The following TUG1 variants were observed in gnomAD, a reference collection of about 807,000 sequenced individuals.
TUG1 encodes the protein taurine upregulated gene 1.
At chr22:30,969,646 C>T (rs1471001890) in exon 1 of TUG1, 2 of 152,608 alleles carry the variant, frequency 1.3e-5, no homozygotes, top group African/African-American at 4.8e-5. Flanking sequence ...GCGGCGGCGG[C>T]AGCGGCCGCG....
At chr22:30,976,034 GT>G (rs1210051396) in exon 3 of TUG1, 1 of 141,600 alleles carries the variant, frequency 7.1e-6, no homozygotes, top group Non-Finnish European at 1.5e-5. Flanking sequence ...TTTAACTACT[GT>G]TTCCAAGATA....
chr22:30,969,904 C>T (rs1184396445), exon 1 of TUG1: 2 of 152,266 alleles, frequency 1.3e-5, no homozygotes, highest in East Asian at 3.8e-4. Context: ...CGGGCCTAGC[C>T]ACCAGTTGGC....
At chr22:30,975,890 A>G (rs1191407522) in exon 3 of TUG1, 3 of 152,088 alleles carry the variant, frequency 2.0e-5, no homozygotes, top group African/African-American at 4.8e-5. Flanking sequence ...AGAGATAACT[A>G]TGAAAGCCAA....
exon 3 of TUG1, chr22:30,979,056 AAACCT>A (rs2041320406): frequency 6.6e-6 from 1 of 152,192 alleles, no homozygotes; most frequent in Admixed American, 6.5e-5. Flanking sequence ...AAGTAATAGA[AAACCT>A]AAATGTCTGT....
At chr22:30,974,679 T>C (rs1166323516) in intron 2 of TUG1, 1 of 152,134 alleles carries the variant, frequency 6.6e-6, no homozygotes, top group Non-Finnish European at 1.5e-5. Context: ...TGGGGAGACA[T>C]AGGAAAGGAA....
exon 3 of TUG1, chr22:30,979,346 C>T (rs1267318973): frequency 2.0e-5 from 3 of 151,966 alleles, no homozygotes; most frequent in African/African-American, 7.3e-5. Flanking sequence ...TTTTACACTA[C>T]CCACATTATT....
At chr22:30,970,279 C>G (rs757498813) in exon 1 of TUG1, 1 of 152,212 alleles carries the variant, frequency 6.6e-6, no homozygotes, top group Admixed American at 6.5e-5. Context: ...ATCACAATTT[C>G]TTCATGCTAC....
exon 3 of TUG1, chr22:30,976,744 T>A (rs2041291980): frequency 6.6e-6 from 1 of 152,220 alleles, no homozygotes; most frequent in South Asian, 2.1e-4. Flanking sequence ...CCAGTCAATT[T>A]AAAGGCCAGC....
exon 2 of TUG1, chr22:30,972,923 G>C (rs1381058626): frequency 6.5e-6 from 1 of 152,932 alleles, no homozygotes; most frequent in African/African-American, 2.4e-5. Context: ...TATTCCATCA[G>C]CCTACAGACC....
chr22:30,974,718 G>T (rs960664422), intron 2 of TUG1: 2 of 152,180 alleles, frequency 1.3e-5, no homozygotes, highest in African/African-American at 4.8e-5. Context: ...CCCCAAATTG[G>T]ATAAATTCCA....
At chr22:30,977,708 C>T (rs1393543354) in exon 3 of TUG1, 1 of 152,192 alleles carries the variant, frequency 6.6e-6, no homozygotes, top group African/African-American at 2.4e-5. Context: ...CAGCTCTTGC[C>T]TGCCTTTTTC....
chr22:30,969,848 G>A (rs1399786095), exon 1 of TUG1: 1 of 152,268 alleles, frequency 6.6e-6, no homozygotes, highest in Non-Finnish European at 1.5e-5. Context: ...CGGCAGCCCC[G>A]GGGTGGGGAG....
chr22:30,977,102 A>G (rs565844747), exon 3 of TUG1: 2 of 152,226 alleles, frequency 1.3e-5, no homozygotes, highest in Non-Finnish European at 2.9e-5. Flanking sequence ...GTCAAAAGGA[A>G]TGACTTAAGA....
At chr22:30,976,719 CTCAT>C (rs2041291589) in exon 3 of TUG1, 1 of 152,192 alleles carries the variant, frequency 6.6e-6, no homozygotes, top group South Asian at 2.1e-4. Context: ...CATGAGAAAA[CTCAT>C]TCTTTACTTC....
exon 1 of TUG1, chr22:30,970,948 T>C (rs572081828): frequency 6.6e-6 from 1 of 152,372 alleles, no homozygotes; most frequent in South Asian, 2.1e-4. Flanking sequence ...TTGGCCCTCC[T>C]TGTGTTCTAA....
chr22:30,972,551 C>T (rs1341091738), intron 1 of TUG1: 1 of 152,216 alleles, frequency 6.6e-6, no homozygotes, highest in East Asian at 1.9e-4. Context: ...TTCCTCTCCT[C>T]ACCAAAAAAT....
At chr22:30,977,116 AGAT>A (rs2041297387) in exon 3 of TUG1, 3 of 152,338 alleles carry the variant, frequency 2.0e-5, no homozygotes, top group Middle Eastern at 3.4e-3. Flanking sequence ...CTTAAGATGA[AGAT>A]GATCATCTGC....
chr22:30,972,278 A>G (rs933475645), intron 1 of TUG1: 6 of 152,240 alleles, frequency 3.9e-5, no homozygotes, highest in Non-Finnish European at 8.8e-5. Flanking sequence ...TTAATTCTAA[A>G]TTTTGATCTA....
chr22:30,976,683 T>A, exon 3 of TUG1: 1 of 152,206 alleles, frequency 6.6e-6, no homozygotes, highest in South Asian at 2.1e-4. Flanking sequence ...CCAGATCATG[T>A]TGAACAAGGA....
Sources: gnomAD v4.1 joint callset for allele counts on GRCh38, gnomAD v4.1.1 for gene constraint, MANE v1.5 for transcripts, NCBI Gene and HGNC (gene_info 2026-07-23, HGNC 2026-07-21) for gene names.